The following NEK9 variants were observed in gnomAD, a reference collection of about 807,000 sequenced individuals.
NEK9 encodes the protein NIMA related kinase 9, also known as serine/threonine-protein kinase Nek9.
NEK9 carries 75 observed loss-of-function variants against 123.4 expected under a neutral mutation model. The ratio of observed to expected loss-of-function variants is 0.61; its 90% CI spans 0.50 to 0.74. The LOEUF (loss-of-function observed/expected upper bound fraction) is 0.74, where lower values mean the gene tolerates loss of function less well. Among genes scored for constraint, NEK9 ranks in the 30% least tolerant of loss-of-function variants. The probability of loss-of-function intolerance (pLI) is 0.00; values close to 1 mark genes in which losing one functional copy is unlikely to be tolerated. For synonymous variants in NEK9, 438 were observed against 458.7 expected, an observed-to-expected ratio of 0.95 and a Z score of 0.58; for missense variants, 952 against 1,214.4, an observed-to-expected ratio of 0.78 and a Z score of 3.21.
At chr14:75,121,927 A>G (rs1895350301) in intron 2 of NEK9, among the ~76,000 whole-genome samples, 1 of 152,228 alleles carries the variant, frequency 6.6e-6, no homozygotes, top group Non-Finnish European at 1.5e-5. Context: ...TTTATAGGGT[A>G]TATATTGACA....
chr14:75,119,981 G>A (rs1895272373), intron 4 of NEK9, among the ~76,000 whole-genome samples: 1 of 152,126 alleles, frequency 6.6e-6, no homozygotes, highest in Admixed American at 6.5e-5. Context: ...ATTAATCTCT[G>A]GCACCAGTCA....
At position 75,110,441 on chromosome 14, in the gene NEK9, T is replaced by C. The variant is rs1052712468; in HGVS notation, c.939-70A>G. 4.6e-5 allele frequency: 55 copies of C among 1,193,388 alleles called. No homozygotes were observed. The African/African-American group carries it at 7.8e-4, about 17-fold the overall frequency. The allele number at this position is 1,193,388 out of a possible 1,614,324, so 73.9% of individuals were successfully genotyped here. A position where few individuals can be genotyped will look rare whatever the true frequency, so the allele number is the denominator to read the frequency against. On this transcript the variant is annotated intron_variant, in intron 8 of 21. Coordinates refer to ENST00000238616, the MANE Select transcript of NEK9 (RefSeq NM_033116.6). ...TTATATTGCAAAGGTGTCTGTTTAATACATTTCACAGATTTAATCCTCTTA... is the reference window on the plus strand; with the variant it reads ...TTATATTGCAAAGGTGTCTGTTTAACACATTTCACAGATTTAATCCTCTTA...
chr14:75,097,249 C>A lies in NEK9; in HGVS notation c.2024G>T (p.Gly675Val). The A allele has an allele frequency of 1.2e-6, 2 of 1,601,640 alleles. No individual in the cohort carries two copies. The highest frequency in any genetic ancestry group is 1.7e-6 in the Non-Finnish European group (2 of 1,174,078). Residue 675 changes from glycine to valine, a missense_variant, in exon 17 of 22, where the codon GGC (glycine) becomes GTC (valine). Around this residue, in one of 4 missense-constraint regions of NEK9, gnomAD observed 698 missense variants for 875.6 expected, o/e 0.80. Transcript: ENST00000238616. ...TGCCAGGCGGCCATTACCACCATTG[C>A]CCCAGGCAAAAATGTGATTATCTAG... ...ATDDNHIFAW[G>V]NGGNGRLAMT... is the part of the protein sequence containing the mutation.
intron 20 of NEK9, 88 bp downstream of exon 20, chr14:75,088,392 C>A: frequency 7.2e-7 from 1 of 1,397,978 alleles, no homozygotes; most frequent in South Asian, 1.3e-5. Context: ...AGCTGAAACC[C>A]AAAAGCTAGA....
rs1402196530 is a variant in NEK9 at position 75,097,172 on chromosome 14, G to A, written c.2101C>T (p.Arg701Trp). Residue 701 changes from arginine (R) to tryptophan (W), a missense_variant, in exon 17 of 22, where the codon CGG becomes TGG. Arg to Trp is a moderately radical substitution (Grantham distance 101). This residue lies in a region of NEK9 where 698 missense variants were observed against 875.6 expected (regional missense o/e 0.80). Coordinates refer to ENST00000238616, the MANE Select transcript of NEK9 (RefSeq NM_033116.6). ...TGATGCAGAGATCCAAAAATAGGCC[G>A]AGGCCATGAGGTACAGATATCAGAG... ...HGSDICTSWP[R>W]PIFGSLHHVP... is the part of the protein sequence containing the mutation. 3.7e-6 allele frequency: 6 copies of A among 1,613,650 alleles called. No homozygotes were observed. The highest frequency in any genetic ancestry group is 4.2e-6 in the Non-Finnish European group (5 of 1,179,834).
In NEK9 at chr14:75,099,741, C is replaced by T. The variant is rs550850680; in HGVS notation, c.2002+1251G>A. 1.2e-4 allele frequency among the ~76,000 whole-genome samples: 18 copies of T among 145,642 alleles called. No homozygotes were observed. The East Asian group carries it at 3.7e-3, about 30-fold the overall frequency. On this transcript the variant is annotated intron_variant, in intron 16 of 21. Coordinates refer to ENST00000238616, the MANE Select transcript of NEK9 (RefSeq NM_033116.6). ...TAGTTGCAGTGAGCTGAGATCGCGC[C>T]ACTGCACTCCAGCCTGGGCGACAAC... is the stretch of plus-strand genomic sequence containing the variant.
Position 75,108,561 on chromosome 14 carries a change from A to AT in NEK9, c.1183-1075dup, listed in dbSNP as rs1161942425. Among the ~76,000 whole-genome samples the AT allele has an allele frequency of 5.4e-3, 774 of 143,726 alleles. 6 individuals carry two copies. Among genetic ancestry groups the AT allele is most frequent in the African/African-American group, 0.018 (726 of 39,330 alleles). The allele number at this position is 143,726 out of a possible 152,430, so 94.3% of individuals were successfully genotyped here. ...TGTGTGTGTGACAGTATATATATATATTTTTTTTTTTGAGACAAGGTCTTG... is the reference window on the plus strand; with the variant it reads ...TGTGTGTGTGACAGTATATATATATATTTTTTTTTTTTGAGACAAGGTCTTG... On this transcript the variant is annotated intron_variant, in intron 10 of 21. Coordinates refer to ENST00000238616, the MANE Select transcript of NEK9 (RefSeq NM_033116.6).
At chr14:75,086,155 C>T (rs1894017649) in intron 21 of NEK9, among the ~76,000 whole-genome samples, 1 of 151,470 alleles carries the variant, frequency 6.6e-6, no homozygotes, top group Admixed American at 6.6e-5. Context: ...CGCCACTGCA[C>T]TCCAGCCTGG....
chr14:75,099,582 G>GAC (rs1894495424), intron 16 of NEK9, among the ~76,000 whole-genome samples: 1 of 151,770 alleles, frequency 6.6e-6, no homozygotes, highest in African/African-American at 2.4e-5. Context: ...AGGAGTTCAA[G>GAC]ACCAGTCTGG....
chr14:75,106,411 T>C (rs926054423), intron 12 of NEK9, 91 bp downstream of exon 12: 3 of 1,076,844 alleles, frequency 2.8e-6, no homozygotes, highest in Non-Finnish European at 4.3e-6. Flanking sequence ...CACTTCTCAT[T>C]TAGGGGCTGC....
intron 16 of NEK9, among the ~76,000 whole-genome samples, chr14:75,100,612 C>T (rs1351141504): frequency 6.6e-6 from 1 of 152,210 alleles, no homozygotes; most frequent in Non-Finnish European, 1.5e-5. Context: ...CCCCAGCCAA[C>T]AGAGAAAATA....
At chr14:75,106,311 AT>A (rs1594838790) in intron 12 of NEK9, 190 bp downstream of exon 12, 1 of 610,006 alleles carries the variant, frequency 1.6e-6, no homozygotes. Flanking sequence ...ATGAGCCCAG[AT>A]CATGCCATTG....
At chr14:75,104,260 G>A (rs1286171214) in intron 13 of NEK9, among the ~76,000 whole-genome samples, 2 of 151,678 alleles carry the variant, frequency 1.3e-5, no homozygotes, top group Non-Finnish European at 2.9e-5. Context: ...TGCCTCCCAG[G>A]TTCAAGCGAC....
At chr14:75,127,103 T>G, upstream of NEK9, 2 of 539,380 alleles carry the variant, frequency 3.7e-6, no homozygotes, top group Non-Finnish European at 3.2e-6. Flanking sequence ...CTGGCTGAGT[T>G]TCCTCCGCCT....
intron 20 of NEK9, 126 bp from the exon 21 acceptor site, chr14:75,087,356 A>T: frequency 1.1e-5 from 7 of 649,132 alleles, no homozygotes; most frequent in Non-Finnish European, 1.9e-5. Context: ...TATACACATG[A>T]ATATATGTAC....
chr14:75,103,959 T>C lies in NEK9; in HGVS notation c.1614A>G (p.Gln538=), dbSNP rs571873615. Residue 538 remains glutamine, a synonymous_variant, in exon 14 of 22, where the codon CAA becomes CAG. Transcript: ENST00000238616. ...ACAGAAATGTCCCATCACAGCCACATTGAACTGCAACAATAATCAAGGCCT... is the reference window on the plus strand; with the variant it reads ...ACAGAAATGTCCCATCACAGCCACACTGAACTGCAACAATAATCAAGGCCT... ...VPKALIIVAV[Q]CGCDGTFLLT... 2.2e-5 allele frequency: 36 copies of C among 1,614,150 alleles called. No homozygotes were observed. Among genetic ancestry groups the C allele is most frequent in the East Asian group, 1.3e-4 (6 of 44,878 alleles).
chr14:75,127,080 C>T (rs988703769), upstream of NEK9: 1 of 581,156 alleles, frequency 1.7e-6, no homozygotes, highest in Non-Finnish European at 2.9e-6. Context: ...AAACAGTTCT[C>T]TGTGTTTCCG....
intron 6 of NEK9, among the ~76,000 whole-genome samples, chr14:75,115,991 G>GAAATATTTTA (rs1895130051): frequency 6.6e-6 from 1 of 151,904 alleles, no homozygotes; most frequent in Admixed American, 6.6e-5. Context: ...TAACACCCAC[G>GAAATATTTTA]ATGTGTTAGG....
chr14:75,101,720 G>A lies in NEK9; in HGVS notation c.1777C>T (p.Gln593Ter), dbSNP rs950750511. 1.9e-6 allele frequency: 3 copies of A among 1,614,104 alleles called. No individual in the cohort carries two copies. Among genetic ancestry groups the A allele is most frequent in the East Asian group, 2.2e-5 (1 of 44,882 alleles). ...PYTTSFTLAKQLSFYKIRTIA... is the reference protein window; with the variant it reads ...PYTTSFTLAK ...GTACGGATCTTATAAAAGGACAACTGTTTGGCCAAGGTAAAGGACGTTGTG... is the reference window on the plus strand; with the variant it reads ...GTACGGATCTTATAAAAGGACAACTATTTGGCCAAGGTAAAGGACGTTGTG... Residue 593 changes from glutamine (Q) to a stop codon, truncating the protein, a stop_gained, in exon 15 of 22, where the codon CAG (glutamine) becomes TAG (stop). Coordinates refer to ENST00000238616, the MANE Select transcript of NEK9 (RefSeq NM_033116.6). LOFTEE classifies it high-confidence loss of function.
Sources: gnomAD v4.1 joint callset for allele counts (sites outside exome capture counted in the v4.1 genomes callset) on GRCh38, gnomAD v4.1.1 for gene constraint, gnomAD v4.1.1 regional missense constraint, MANE v1.5 for transcripts, NCBI Gene and HGNC (gene_info 2026-07-23, HGNC 2026-07-21) for gene names.